HACD3: variants seen among roughly 807,000 people sequenced by gnomAD.
The protein encoded by HACD3 is 3-hydroxyacyl-CoA dehydratase 3.
In HACD3, 30 loss-of-function variants were observed where a neutral mutation model predicts 55.2. The observed-to-expected ratio is 0.54, with a 90% CI of 0.41 to 0.74. The LOEUF (loss-of-function observed/expected upper bound fraction) is 0.74, where lower values mean the gene tolerates loss of function less well. Among genes scored for constraint, HACD3 ranks in the 30% least tolerant of loss-of-function variants. HACD3 has a pLI of 0.00. For missense variants in HACD3, 363 were observed against 440.1 expected (o/e 0.82, Z 1.57); for synonymous variants, 141 against 151.7 (o/e 0.93, Z 0.52).
chr15:65,530,947 G>T, intron 1 of HACD3: 1 of 509,280 alleles, frequency 2.0e-6, no homozygotes, highest in African/African-American at 2.0e-5. Flanking sequence ...TCCCCAGAGA[G>T]CTCGGCCTGG....
At chr15:65,554,810 A>G in intron 2 of HACD3, 77 bp from the exon 3 acceptor site, 1 of 1,018,768 alleles carries the variant, frequency 9.8e-7, no homozygotes. Flanking sequence ...ATACTTGGGA[A>G]AGAACTGCAC....
intron 10 of HACD3, among the ~76,000 whole-genome samples, chr15:65,575,678 G>C (rs2072394071): frequency 6.6e-6 from 1 of 152,166 alleles, no homozygotes; most frequent in Non-Finnish European, 1.5e-5. Flanking sequence ...TGGCTGGAGG[G>C]ATAGATGAAT....
intron 1 of HACD3, among the ~76,000 whole-genome samples, chr15:65,538,063 G>A (rs893280527): frequency 1.3e-5 from 2 of 149,100 alleles, no homozygotes; most frequent in Non-Finnish European, 3.0e-5. Context: ...CAAGAGTGCT[G>A]ATGGAAATGT....
chr15:65,541,938 A>T (rs575477144), intron 1 of HACD3, among the ~76,000 whole-genome samples: 5 of 152,174 alleles, frequency 3.3e-5, no homozygotes, highest in Admixed American at 6.5e-5. Flanking sequence ...GAAAATAAGA[A>T]TATCTGTTTT....
At chr15:65,571,724 T>C (rs1163437183) in intron 9 of HACD3, 70 bp downstream of exon 9, 1 of 1,196,032 alleles carries the variant, frequency 8.4e-7, no homozygotes, top group Non-Finnish European at 1.2e-6. Flanking sequence ...AGACCAGTCC[T>C]TTCTTCCCCG....
intron 1 of HACD3, among the ~76,000 whole-genome samples, chr15:65,533,450 G>T (rs2071922294): frequency 6.6e-6 from 1 of 152,142 alleles, no homozygotes; most frequent in Non-Finnish European, 1.5e-5. Flanking sequence ...ACTCAATTTG[G>T]CCAAAGGGTG....
intron 6 of HACD3, 144 bp from the exon 7 acceptor site, chr15:65,564,071 A>T: frequency 9.8e-7 from 1 of 1,020,484 alleles, no homozygotes. Flanking sequence ...CTTCCTGCTT[A>T]GTTAAGTAAG....
At chr15:65,538,501 G>A (rs1567330814) in intron 1 of HACD3, among the ~76,000 whole-genome samples, 1 of 152,124 alleles carries the variant, frequency 6.6e-6, no homozygotes, top group Non-Finnish European at 1.5e-5. Flanking sequence ...GGGATGAGGA[G>A]TTGCTTCTTA....
chr15:65,551,577 G>A (rs2072133378), intron 1 of HACD3, 99 bp from the exon 2 acceptor site: 1 of 1,345,948 alleles, frequency 7.4e-7, no homozygotes, highest in Non-Finnish European at 1.1e-6. Context: ...AGGAGTTTGA[G>A]TCCTTATGGG....
At chr15:65,554,166 C>T (rs976346125) in intron 2 of HACD3, among the ~76,000 whole-genome samples, 2 of 152,184 alleles carry the variant, frequency 1.3e-5, no homozygotes, top group Non-Finnish European at 2.9e-5. Flanking sequence ...ATGATACACC[C>T]ACCAATTTTT....
chr15:65,568,524 A>T lies in HACD3; in HGVS notation c.661-1567A>T, dbSNP rs757820851. On this transcript the variant is annotated intron_variant, in intron 7 of 10. Transcript: ENST00000261875. Reference sequence around the variant, plus strand: ...CAGGCATCTGCCACCACGCCTGGCTAATTTTTGTATTTTTAATAGAGATGG... The same window carrying T: ...CAGGCATCTGCCACCACGCCTGGCTTATTTTTGTATTTTTAATAGAGATGG... Among the ~76,000 whole-genome samples, 8 of 151,588 alleles carry T rather than the reference A, an allele frequency of 5.3e-5. No homozygotes were observed. In the East Asian group the frequency reaches 5.9e-4, roughly 11 times the overall value.
intron 8 of HACD3, among the ~76,000 whole-genome samples, chr15:65,570,785 G>A (rs1284778582): frequency 6.6e-6 from 1 of 152,136 alleles, no homozygotes; most frequent in Non-Finnish European, 1.5e-5. Context: ...CTGGAGCAAG[G>A]ATTTTGCAAA....
intron 2 of HACD3, chr15:65,552,079 C>G (rs1265243798): frequency 5.6e-6 from 1 of 180,108 alleles, no homozygotes; most frequent in Non-Finnish European, 1.2e-5. Context: ...CTGTGTTTCT[C>G]AAACTCGAGG....
intron 2 of HACD3, chr15:65,552,036 T>C (rs2072138572): frequency 7.4e-6 from 2 of 270,352 alleles, no homozygotes; most frequent in Non-Finnish European, 1.4e-5. Context: ...TTGACTTCTC[T>C]GGACCTGTAC....
intron 9 of HACD3, 61 bp downstream of exon 9, chr15:65,571,715 G>A: frequency 7.7e-7 from 1 of 1,304,472 alleles, no homozygotes; most frequent in Non-Finnish European, 1.1e-6. Context: ...GAGGCTGAGA[G>A]ACCAGTCCTT....
intron 6 of HACD3, among the ~76,000 whole-genome samples, 194 bp from the exon 7 acceptor site, chr15:65,564,021 C>T (rs537371920): frequency 2.9e-4 from 44 of 151,946 alleles, no homozygotes; most frequent in Non-Finnish European, 5.7e-4. Flanking sequence ...TTTCTGGTAA[C>T]TGGTAGAGCT....
Position 65,530,764 on chromosome 15 carries a change from CGGGT to C in HACD3, c.87+47_87+50del, listed in dbSNP as rs777968493. ...CGGGAAGCGCGCGGGATCGCGGCTC[CGGGT>C]ACCCGCCAGGACCCCTGCCCCCTTT... is the stretch of plus-strand genomic sequence containing the variant. On this transcript the variant is annotated intron_variant, in intron 1 of 10. Coordinates refer to ENST00000261875, the MANE Select transcript of HACD3 (RefSeq NM_016395.4). The C allele has an allele frequency of 6.4e-5, 96 of 1,501,668 alleles. No homozygotes were observed. In the South Asian group the frequency reaches 1.2e-3, roughly 18 times the overall value. The allele number at this position is 1,501,668 out of a possible 1,614,324, so 93.0% of individuals were successfully genotyped here.
rs1427096845 is a variant in HACD3 at position 65,564,278 on chromosome 15, T to C, written c.596T>C (p.Val199Ala). ...DMMYFCQMLA[V>A]VETINAAIGV... ...ATGTATTTCTGCCAGATGCTGGCAG[T>C]TGTGGAAACTATCAATGCAGCAATT... Residue 199 changes from valine (V) to alanine (A), a missense_variant, in exon 7 of 11, where the codon GTT becomes GCT. Coordinates refer to ENST00000261875, the MANE Select transcript of HACD3 (RefSeq NM_016395.4). The C allele has an allele frequency of 1.2e-5, 20 of 1,613,696 alleles. No individual in the cohort carries two copies. The highest frequency in any genetic ancestry group is 1.7e-5 in the Non-Finnish European group (20 of 1,179,748).
At chr15:65,568,129 C>A (rs984221062) in intron 7 of HACD3, among the ~76,000 whole-genome samples, 1 of 151,656 alleles carries the variant, frequency 6.6e-6, no homozygotes, top group Admixed American at 6.6e-5. Flanking sequence ...CCCATGTTGG[C>A]CAGGCTGGTC....
Sources: allele counts gnomAD v4.1 joint callset (sites outside exome capture counted in the v4.1 genomes callset), GRCh38; gene constraint gnomAD v4.1.1; transcripts MANE v1.5; gene names NCBI Gene and HGNC (gene_info 2026-07-23, HGNC 2026-07-21).